Variants in RNF212 observed in about 807,000 individuals in gnomAD.
RNF212 encodes probable E3 SUMO-protein ligase RNF212.
RNF212 carries 33 observed loss-of-function variants against 34.7 expected under a neutral mutation model. The ratio of observed to expected loss-of-function variants is 0.95; its 90% confidence interval spans 0.72 to 1.27. RNF212 has a LOEUF of 1.27. RNF212 is among the 50% of genes most tolerant of loss of function. The pLI is 0.00. For missense variants in RNF212, 377 were observed against 362.2 expected, an observed-to-expected ratio of 1.04 and a Z score of -0.33; for synonymous variants, 140 against 136.1, an observed-to-expected ratio of 1.03 and a Z score of -0.20.
At chr4:1,069,955 G>A (rs1178202333), downstream of RNF212, among the ~76,000 whole-genome samples, 3 of 152,210 alleles carry the variant, frequency 2.0e-5, no homozygotes, top group South Asian at 2.1e-4. Context: ...CTGTGTCAGC[G>A]TGGACGCCTA....
At chr4:1,099,540 T>C (rs1723602923) in intron 2 of RNF212, among the ~76,000 whole-genome samples, 1 of 152,158 alleles carries the variant, frequency 6.6e-6, no homozygotes, top group Admixed American at 6.5e-5. Context: ...CGGTGAGAGC[T>C]GAGGCCCTCG....
At chr4:1,078,041 A>C (rs927558847) in intron 8 of RNF212, among the ~76,000 whole-genome samples, 5 of 152,122 alleles carry the variant, frequency 3.3e-5, no homozygotes, top group Admixed American at 1.3e-4. Flanking sequence ...CTGCCTTCTT[A>C]TTCTGACTCC....
downstream of RNF212, among the ~76,000 whole-genome samples, chr4:1,070,398 T>C (rs57717353): frequency 1.8e-4 from 18 of 99,406 alleles, no homozygotes; most frequent in South Asian, 3.9e-4. Flanking sequence ...GCCTGAGTTG[T>C]GGGTGGTTTT....
Position 1,089,079 on chromosome 4 carries a change from G to T in RNF212, c.303+1703C>A, listed in dbSNP as rs183208944. 4.7e-3 allele frequency among the ~76,000 whole-genome samples: 713 copies of T among 152,350 alleles called. 2 individuals are homozygous for T. Among genetic ancestry groups the T allele is most frequent in the Middle Eastern group, 6.8e-3 (2 of 294 alleles). ...GTGCTGCCTAGAGAAGCCATGAGAA[G>T]AGGGCCACTGTCCTCCAGACGCCAG... On this transcript the variant is annotated intron_variant, in intron 4 of 9. Coordinates refer to ENST00000433731, the MANE Select transcript of RNF212 (RefSeq NM_001131034.4).
intron 3 of RNF212, among the ~76,000 whole-genome samples, chr4:1,063,787 T>TCGA (rs1717906621): frequency 6.7e-6 from 1 of 150,076 alleles, no homozygotes; most frequent in Non-Finnish European, 1.5e-5. Context: ...GGTGGGAGGA[T>TCGA]TGATTGAGCC....
At chr4:1,079,882 G>T (rs965369207) in intron 7 of RNF212, among the ~76,000 whole-genome samples, 194 bp from the exon 8 acceptor site, 6 of 152,218 alleles carry the variant, frequency 3.9e-5, no homozygotes, top group Non-Finnish European at 7.3e-5. Context: ...CCCGCCGTCT[G>T]TACTGGGATG....
At chr4:1,080,057 T>C (rs1720075495) in intron 7 of RNF212, among the ~76,000 whole-genome samples, 1 of 152,182 alleles carries the variant, frequency 6.6e-6, no homozygotes, top group African/African-American at 2.4e-5. Context: ...GTTCTGAGAG[T>C]GGGATCCCGA....
At chr4:1,108,516 C>A in intron 1 of RNF212, 112 bp from the exon 2 acceptor site, 1 of 515,830 alleles carries the variant, frequency 1.9e-6, no homozygotes, top group East Asian at 3.5e-5. Context: ...GTATCACTTA[C>A]AGGTTTTCAT....
rs1718632794 is a variant in RNF212 at position 1,072,663 on chromosome 4, A to G, written c.*211T>C. 1 of 1,168,546 alleles carries G rather than the reference A, an allele frequency of 8.6e-7. No homozygotes were observed. Among genetic ancestry groups the G allele is most frequent in the East Asian group, 3.2e-5 (1 of 31,310 alleles). The allele number at this position is 1,168,546 out of a possible 1,614,324, so 72.4% of individuals were successfully genotyped here. ...TGAGAACCTATAAAATAAAAGGGAT[A>G]ATAACAATATATATGAGTACATAAA... On this transcript the variant is annotated 3_prime_UTR_variant, in exon 10 of 10. Coordinates refer to ENST00000433731, the MANE Select transcript of RNF212 (RefSeq NM_001131034.4).
intron 3 of RNF212, among the ~76,000 whole-genome samples, chr4:1,062,129 A>G (rs1333979683): frequency 6.6e-6 from 1 of 152,254 alleles, no homozygotes; most frequent in Non-Finnish European, 1.5e-5. Context: ...AACTCATTCT[A>G]TGAGGACAGA....
At chr4:1,077,403 T>G (rs1388971281) in intron 8 of RNF212, among the ~76,000 whole-genome samples, 1 of 152,162 alleles carries the variant, frequency 6.6e-6, no homozygotes, top group Non-Finnish European at 1.5e-5. Flanking sequence ...TTTCTTTCTT[T>G]TTTCTTTTTT....
At chr4:1,077,719 G>A (rs1276886518) in intron 8 of RNF212, among the ~76,000 whole-genome samples, 2 of 152,234 alleles carry the variant, frequency 1.3e-5, no homozygotes, top group African/African-American at 2.4e-5. Context: ...TGGCCTTGGG[G>A]GAGCCAAAGC....
In RNF212 at chr4:1,073,207, C is replaced by A. The variant is rs779604423; in HGVS notation, c.575-14G>T. On this transcript the variant is annotated splice_polypyrimidine_tract_variant and intron_variant, in intron 9 of 9. Transcript: ENST00000433731. ...TTAGATGTGGCCCTGCGGGAAGATG[C>A]AGGAGACAGCGTGTGGGGAGATGGC... is the stretch of plus-strand genomic sequence containing the variant. 6.2e-7 allele frequency: 1 copy of A among 1,611,734 alleles called. No homozygotes were observed. Among genetic ancestry groups the A allele is most frequent in the East Asian group, 2.2e-5 (1 of 44,854 alleles).
At chr4:1,084,409 A>G (rs1282341675) in intron 5 of RNF212, among the ~76,000 whole-genome samples, 3 of 152,170 alleles carry the variant, frequency 2.0e-5, no homozygotes, top group African/African-American at 4.8e-5. Context: ...GAAATGTAAA[A>G]GCCATGGTCA....
chr4:1,106,710 G>A (rs759688718), intron 2 of RNF212, among the ~76,000 whole-genome samples: 1 of 152,346 alleles, frequency 6.6e-6, no homozygotes. Context: ...CCTCCAGCCC[G>A]ACCGTGTACA....
intron 2 of RNF212, among the ~76,000 whole-genome samples, chr4:1,107,671 T>C (rs1240482224): frequency 6.6e-6 from 1 of 151,672 alleles, no homozygotes; most frequent in African/African-American, 2.4e-5. Context: ...AGGATGGTCT[T>C]GATCTCCTGA....
At chr4:1,103,003 T>C (rs1318319629) in intron 2 of RNF212, among the ~76,000 whole-genome samples, 1 of 140,192 alleles carries the variant, frequency 7.1e-6, no homozygotes, top group Non-Finnish European at 1.6e-5. Context: ...AAAAAAAAAA[T>C]CACTAACATT....
chr4:1,095,628 C>T (rs557635119), intron 3 of RNF212, among the ~76,000 whole-genome samples: 1 of 77,624 alleles, frequency 1.3e-5, no homozygotes, highest in South Asian at 4.9e-4. Flanking sequence ...ACCAAGCACA[C>T]CCCCCACAGC....
intron 4 of RNF212, among the ~76,000 whole-genome samples, chr4:1,088,852 A>T (rs1721747692): frequency 6.6e-6 from 1 of 152,222 alleles, no homozygotes; most frequent in African/African-American, 2.4e-5. Context: ...GGCGGCTTCC[A>T]CATGGTATTG....
Sources: gnomAD v4.1 joint callset for allele counts (sites outside exome capture counted in the v4.1 genomes callset) on GRCh38, gnomAD v4.1.1 for gene constraint, MANE v1.5 for transcripts, NCBI Gene and HGNC (gene_info 2026-07-23, HGNC 2026-07-21) for gene names.